CRTC1: variants seen among roughly 807,000 people sequenced by gnomAD.
CRTC1 encodes the protein CREB regulated transcription coactivator 1.
Under a neutral mutation model 66.1 loss-of-function variants are expected in CRTC1, and 18 were observed. The observed-to-expected ratio is 0.27, with a 90% confidence interval of 0.19 to 0.40. CRTC1 has a LOEUF of 0.40. Among genes scored for constraint, CRTC1 ranks in the 10% least tolerant of loss-of-function variants. The pLI, the probability that CRTC1 is intolerant of heterozygous loss-of-function variation, is 1.00. For missense variants in CRTC1, 669 were observed against 887.9 expected (o/e 0.75, Z 3.13); for synonymous variants, 416 against 398.8 (o/e 1.04, Z -0.51).
In CRTC1 at chr19:18,771,825, C is replaced by G. The variant is rs1394024322; in HGVS notation, c.1425+279C>G. 6.6e-6 allele frequency among the ~76,000 whole-genome samples: 1 copy of G among 152,210 alleles called. No individual in the cohort carries two copies. Among genetic ancestry groups the G allele is most frequent in the African/African-American group, 2.4e-5 (1 of 41,436 alleles). The stretch of plus-strand genomic sequence containing the variant: ...ACATTAGCGATGGCTGTGGCCCTGC[C>G]TGGATGTCCTCATTGAGTGGCCCAG... On this transcript the variant is annotated intron_variant, in intron 11 of 13. Coordinates refer to ENST00000321949, the MANE Select transcript of CRTC1 (RefSeq NM_015321.3). This position sits in a 1 kb window ranked among gnomAD's most constrained non-coding sequence, Gnocchi z 4.6.
intron 1 of CRTC1, among the ~76,000 whole-genome samples, chr19:18,704,694 A>C (rs1372072658): frequency 6.6e-6 from 1 of 152,184 alleles, no homozygotes; most frequent in African/African-American, 2.4e-5. Flanking sequence ...CCTGGGCAAC[A>C]GAACAAGACC....
intron 11 of CRTC1, among the ~76,000 whole-genome samples, chr19:18,773,850 T>C (rs534746938): frequency 6.6e-6 from 1 of 152,100 alleles, no homozygotes; most frequent in African/African-American, 2.4e-5. Flanking sequence ...AACTGGTGGG[T>C]TTGTGGCCGG....
At chr19:18,752,993 C>T (rs555935364) in intron 5 of CRTC1, among the ~76,000 whole-genome samples, 5 of 151,066 alleles carry the variant, frequency 3.3e-5, no homozygotes, top group East Asian at 2.0e-4. Flanking sequence ...AGGCGGGGCA[C>T]GGTGGCGCAC....
At chr19:18,693,182 A>G (rs1010145332) in intron 1 of CRTC1, among the ~76,000 whole-genome samples, 1 of 151,706 alleles carries the variant, frequency 6.6e-6, no homozygotes, top group Admixed American at 6.6e-5. Flanking sequence ...CGAGGTCAAG[A>G]GATCGAGACC....
At chr19:18,700,244 G>A (rs739849) in intron 1 of CRTC1, among the ~76,000 whole-genome samples, 358 of 152,252 alleles carry the variant, frequency 2.4e-3, no homozygotes, top group Non-Finnish European at 4.0e-3. Context: ...GGTGCGGTGA[G>A]GCCCAGAGGG....
chr19:18,752,629 T>C (rs551454146), intron 5 of CRTC1, among the ~76,000 whole-genome samples: 4 of 151,842 alleles, frequency 2.6e-5, no homozygotes, highest in East Asian at 1.9e-4. Flanking sequence ...TTGTTTCTCT[T>C]TGTCTCTCTT....
chr19:18,709,625 G>A (rs535308754), intron 1 of CRTC1, among the ~76,000 whole-genome samples: 1 of 152,276 alleles, frequency 6.6e-6, no homozygotes, highest in Non-Finnish European at 1.5e-5. Context: ...TGTACCTGCG[G>A]ACACCCCTGC....
At chr19:18,747,565 G>A (rs986685475) in intron 4 of CRTC1, among the ~76,000 whole-genome samples, 9 of 152,082 alleles carry the variant, frequency 5.9e-5, no homozygotes, top group Admixed American at 5.2e-4. Flanking sequence ...CCCGGGAGGC[G>A]GAGGTTGCGG....
intron 1 of CRTC1, among the ~76,000 whole-genome samples, chr19:18,715,627 C>A (rs562128174): frequency 1.3e-5 from 2 of 152,238 alleles, no homozygotes; most frequent in Non-Finnish European, 2.9e-5. Context: ...TCCCCTCAGC[C>A]ACCTGTGGCC....
At chr19:18,749,950 C>T in intron 5 of CRTC1, 75 bp downstream of exon 5, 1 of 1,195,398 alleles carries the variant, frequency 8.4e-7, no homozygotes, top group Non-Finnish European at 1.2e-6. Context: ...TCCAGGAGGT[C>T]ACAAGCTTGT....
intron 1 of CRTC1, among the ~76,000 whole-genome samples, chr19:18,703,521 C>T (rs12610610): frequency 0.1 from 15,832 of 152,062 alleles, 1,040 homozygotes; most frequent in East Asian, 0.26. Flanking sequence ...TGCAGTGGCA[C>T]GATCTCAGCT....
intron 1 of CRTC1, among the ~76,000 whole-genome samples, chr19:18,702,179 T>A (rs1209923741): frequency 6.6e-6 from 1 of 151,602 alleles, no homozygotes; most frequent in East Asian, 1.9e-4. Context: ...CGCCTCAGCC[T>A]CCCAAAGTGC....
intron 1 of CRTC1, among the ~76,000 whole-genome samples, chr19:18,711,108 C>T (rs1207427954): frequency 6.6e-6 from 1 of 152,196 alleles, no homozygotes; most frequent in Non-Finnish European, 1.5e-5. Flanking sequence ...GGTTTTGGCT[C>T]AGGGTGAGAC....
At chr19:18,701,892 A>G (rs2053149240) in intron 1 of CRTC1, among the ~76,000 whole-genome samples, 1 of 147,210 alleles carries the variant, frequency 6.8e-6, no homozygotes, top group Non-Finnish European at 1.5e-5. Flanking sequence ...TGCTGGGATT[A>G]TAGGCATGAG....
At chr19:18,687,621 A>G (rs1179783564) in intron 1 of CRTC1, among the ~76,000 whole-genome samples, 1 of 152,156 alleles carries the variant, frequency 6.6e-6, no homozygotes, top group Non-Finnish European at 1.5e-5. Flanking sequence ...CCACACCTGC[A>G]GCCAGGTGAG....
chr19:18,759,685 C>A (rs899523636), intron 7 of CRTC1, 94 bp downstream of exon 7: 2 of 1,400,700 alleles, frequency 1.4e-6, no homozygotes, highest in Non-Finnish European at 2.0e-6. Flanking sequence ...GGTTGCAAGT[C>A]CCTGCAAGAG....
chr19:18,775,842 C>T (rs1303652755), intron 13 of CRTC1, 21 bp downstream of exon 13: 25 of 1,546,746 alleles, frequency 1.6e-5, no homozygotes, highest in South Asian at 2.5e-5. Context: ...GCCGGGGGCG[C>T]GTGTGCGGCG....
In CRTC1 at chr19:18,760,364, T is replaced by C. The variant is rs1456868716; in HGVS notation, c.886+136T>C. 18 of 753,612 alleles carry C rather than the reference T, an allele frequency of 2.4e-5. No individual in the cohort carries two copies. The highest frequency in any genetic ancestry group is 3.4e-5 in the Non-Finnish European group (16 of 466,786). The allele number at this position is 753,612 out of a possible 1,614,324, so 46.7% of individuals were successfully genotyped here. A position where few individuals can be genotyped will look rare whatever the true frequency, so the allele number is the denominator to read the frequency against. On this transcript the variant is annotated intron_variant, in intron 8 of 13. Transcript: ENST00000321949. The surrounding 1 kb of genome is among the most constrained non-coding windows in gnomAD (Gnocchi z 6.2). ...CAGGGCTGGGGGGCGGCCGACAGGC[T>C]GACCCAGCGGGCACAGGCATCCCAG...
intron 5 of CRTC1, among the ~76,000 whole-genome samples, chr19:18,750,976 C>T (rs2054350469): frequency 1.3e-5 from 2 of 152,168 alleles, no homozygotes; most frequent in Non-Finnish European, 2.9e-5. Context: ...TCACCATCCC[C>T]TGGAACACTG....
Sources: allele counts gnomAD v4.1 joint callset (sites outside exome capture counted in the v4.1 genomes callset), GRCh38; gene constraint gnomAD v4.1.1; non-coding constraint Gnocchi (gnomAD v3.1); transcripts MANE v1.5; gene names NCBI Gene and HGNC (gene_info 2026-07-23, HGNC 2026-07-21).